CDKL5: variants seen among roughly 807,000 people sequenced by gnomAD.
CDKL5 encodes the protein cyclin dependent kinase like 5, also known as cyclin-dependent kinase-like 5.
In CDKL5, 8 loss-of-function variants were observed where a neutral mutation model predicts 61.7. The ratio of observed to expected loss-of-function variants is 0.13; its 90% CI spans 0.08 to 0.23. The LOEUF is 0.23. CDKL5 is among the 10% of genes least tolerant of loss of function. The pLI is 1.00. For missense variants in CDKL5, 440 were observed against 734.5 expected, an observed-to-expected ratio of 0.60 and a Z score of 4.63; for synonymous variants, 275 against 272.3, an observed-to-expected ratio of 1.01 and a Z score of -0.10.
intron 3 of CDKL5, among the ~76,000 whole-genome samples, chrX:18,541,131 C>T (rs1924008689): frequency 8.9e-6 from 1 of 112,216 alleles, no homozygotes; most frequent in South Asian, 3.7e-4. Flanking sequence ...AAAAGTTTCA[C>T]TATGATGTGT....
At chrX:18,570,317 T>C (rs1428326055) in intron 4 of CDKL5, among the ~76,000 whole-genome samples, 1 of 112,203 alleles carries the variant, frequency 8.9e-6, no homozygotes, top group Admixed American at 9.5e-5. Flanking sequence ...TCCTTCAGAC[T>C]TCAGGGATTC....
intron 2 of CDKL5, 83 bp downstream of exon 2, chrX:18,507,243 C>G: frequency 1.6e-6 from 1 of 633,662 alleles, no homozygotes; most frequent in East Asian, 3.2e-5. Flanking sequence ...CTAATTAGAT[C>G]CTGTTAATTT....
chrX:18,562,616 T>C (rs1259261730), intron 3 of CDKL5, among the ~76,000 whole-genome samples: 1 of 112,359 alleles, frequency 8.9e-6, no homozygotes, highest in Non-Finnish European at 1.9e-5. Flanking sequence ...ATATTATTTT[T>C]ATAAGCAGTT....
At chrX:18,595,722 A>G (rs1018527880) in intron 10 of CDKL5, among the ~76,000 whole-genome samples, 11 of 112,534 alleles carry the variant, frequency 9.8e-5, no homozygotes, top group Non-Finnish European at 2.1e-4. Context: ...TAAGGTTTTA[A>G]AACAAATCTT....
intron 1 of CDKL5, among the ~76,000 whole-genome samples, chrX:18,485,416 A>G (rs1488397422): frequency 8.9e-6 from 1 of 111,919 alleles, no homozygotes; most frequent in African/African-American, 3.2e-5. Flanking sequence ...AAAATGCTCA[A>G]CTTAAACCTT....
intron 1 of CDKL5, among the ~76,000 whole-genome samples, chrX:18,437,555 T>C (rs905266589): frequency 4.4e-5 from 5 of 112,432 alleles, no homozygotes; most frequent in African/African-American, 1.3e-4. Context: ...TCAGCATTTA[T>C]GCTATTTCAT....
chrX:18,595,230 A>G (rs1925951960), intron 9 of CDKL5, 118 bp from the exon 10 acceptor site: 1 of 547,370 alleles, frequency 1.8e-6, no homozygotes, highest in African/African-American at 2.3e-5. Context: ...ATATACAAGT[A>G]TGAATTTGAC....
intron 1 of CDKL5, among the ~76,000 whole-genome samples, chrX:18,449,378 C>T (rs1320330424): frequency 8.9e-6 from 1 of 112,355 alleles, no homozygotes; most frequent in East Asian, 2.8e-4. Context: ...GCCCTGTCTT[C>T]GTGGGTTTCC....
At chrX:18,487,289 C>T (rs186611958) in intron 1 of CDKL5, among the ~76,000 whole-genome samples, 1 of 111,878 alleles carries the variant, frequency 8.9e-6, no homozygotes, top group African/African-American at 3.2e-5. Flanking sequence ...ATAATTAGAA[C>T]GATCTGAAAT....
chrX:18,628,589 T>G lies in CDKL5; in HGVS notation c.2715T>G (p.Gly905=), dbSNP rs1927145473. Residue 905 remains glycine, a synonymous_variant, in exon 18 of 18, where the codon GGT becomes GGG. Coordinates refer to ENST00000623535, the MANE Select transcript of CDKL5 (RefSeq NM_001323289.2). The part of the protein sequence containing the change: ...PKGRPALQLP[G]QMDPGWHVSS... ...GCAGGCCAGCCCTCCAGCTGCCAGGTCAGATGGATCCTGGTTGGCATGTGT... is the reference window on the plus strand; with the variant it reads ...GCAGGCCAGCCCTCCAGCTGCCAGGGCAGATGGATCCTGGTTGGCATGTGT... The G allele has an allele frequency of 8.3e-7, 1 of 1,211,041 alleles. No individual in the cohort carries two copies. Among genetic ancestry groups the G allele is most frequent in the Non-Finnish European group, 1.1e-6 (1 of 894,847 alleles).
chrX:18,647,644 A>C, intron 20 of CDKL5: 1 of 303,846 alleles, frequency 3.3e-6, no homozygotes, highest in Non-Finnish European at 5.9e-6. Context: ...TCCTCCACCA[A>C]CTTAGAGATC....
At chrX:18,576,391 C>T (rs1257838037) in intron 5 of CDKL5, among the ~76,000 whole-genome samples, 1 of 111,826 alleles carries the variant, frequency 8.9e-6, no homozygotes, top group Non-Finnish European at 1.9e-5. Context: ...AACCTTTAAG[C>T]AAGTTTTCTT....
At chrX:18,564,406 C>G (rs1924895841) in intron 3 of CDKL5, 71 bp from the exon 4 acceptor site, 4 of 704,873 alleles carry the variant, frequency 5.7e-6, no homozygotes, top group Middle Eastern at 3.0e-4. Flanking sequence ...GAATATACCC[C>G]CAGGCAACTG....
chrX:18,494,214 C>T (rs1005843369), intron 1 of CDKL5, among the ~76,000 whole-genome samples: 2 of 111,678 alleles, frequency 1.8e-5, no homozygotes, highest in Admixed American at 1.9e-4. Flanking sequence ...GCGCCCCTGG[C>T]TCTGATCCCA....
At chrX:18,433,987 T>A in intron 1 of CDKL5, among the ~76,000 whole-genome samples, 1 of 112,286 alleles carries the variant, frequency 8.9e-6, no homozygotes. Flanking sequence ...TGTGTCTACT[T>A]CAGACTGGAT....
At chrX:18,464,273 G>A (rs896208086) in intron 1 of CDKL5, among the ~76,000 whole-genome samples, 25 of 109,503 alleles carry the variant, frequency 2.3e-4, no homozygotes, top group African/African-American at 7.3e-4. Context: ...ATAGAGATGA[G>A]GTCTCACTAA....
chrX:18,495,769 G>C (rs1922147825), intron 1 of CDKL5, among the ~76,000 whole-genome samples: 3 of 111,546 alleles, frequency 2.7e-5, no homozygotes, highest in Admixed American at 1.9e-4. Flanking sequence ...TTTTACATGG[G>C]ACAGATTTCT....
chrX:18,446,886 A>G, intron 1 of CDKL5, among the ~76,000 whole-genome samples: 2 of 112,097 alleles, frequency 1.8e-5, no homozygotes, highest in South Asian at 7.5e-4. Context: ...CTGCTTCTCC[A>G]GAGTTGCCCT....
In CDKL5 at chrX:18,653,526, G is replaced by A. The variant is rs942884617; in HGVS notation, c.3075G>A (p.Ala1025=). ...CGCTCCTGACATACCATGAGAATGC[G>A]GCACTGACGGGCAAGTGACTTCTGC... The change falls in exon 22 of 22, where the codon GCG becomes GCA. Residue 1025 remains alanine, a synonymous_variant. Coordinates refer to the CDKL5 transcript ENST00000379989. The A allele has an allele frequency of 6.6e-6, 8 of 1,210,228 alleles. No homozygotes were observed. Among genetic ancestry groups the A allele is most frequent in the East Asian group, 3.0e-5 (1 of 33,763 alleles).
Sources: gnomAD v4.1 joint callset for allele counts (sites outside exome capture counted in the v4.1 genomes callset) on GRCh38, gnomAD v4.1.1 for gene constraint, MANE v1.5 for transcripts, NCBI Gene and HGNC (gene_info 2026-07-23, HGNC 2026-07-21) for gene names.